Variants in VWA3A observed in about 807,000 individuals in gnomAD.
VWA3A encodes von Willebrand factor A domain containing 3A, also known as von Willebrand factor A domain-containing protein 3A.
In VWA3A, 134 loss-of-function variants were observed where a neutral mutation model predicts 160.4. That is an observed-to-expected ratio of 0.84 (90% CI 0.73 to 0.96). VWA3A has a LOEUF of 0.96. VWA3A is among the 40% of genes least tolerant of loss of function. VWA3A has a pLI of 0.00. For missense variants in VWA3A, 1,310 were observed against 1,447.9 expected (o/e 0.90, Z 1.55); for synonymous variants, 476 against 543.4 (o/e 0.88, Z 1.72).
chr16:22,122,260 AGTGGATGGATGGATGGATGG>A (rs1388158399), intron 14 of VWA3A, among the ~76,000 whole-genome samples: 6 of 136,696 alleles, frequency 4.4e-5, no homozygotes, highest in African/African-American at 1.4e-4. Flanking sequence ...TGGATGGATG[AGTGGATGGATGGATGGATGG>A]GTGGATGGAT....
intron 30 of VWA3A, among the ~76,000 whole-genome samples, chr16:22,152,028 G>A (rs566091382): frequency 2.4e-4 from 37 of 152,296 alleles, no homozygotes; most frequent in Non-Finnish European, 4.1e-4. Context: ...GGCCAACATG[G>A]CGAAACCCCG....
intron 23 of VWA3A, 120 bp downstream of exon 23, chr16:22,140,364 T>C: frequency 1.1e-6 from 1 of 914,838 alleles, no homozygotes; most frequent in Non-Finnish European, 1.7e-6. Context: ...TCCCAGCACT[T>C]TTGGAGGCTG....
At chr16:22,126,439 T>G in intron 17 of VWA3A, 142 bp downstream of exon 17, 1 of 1,232,316 alleles carries the variant, frequency 8.1e-7, no homozygotes, top group Non-Finnish European at 1.1e-6. Flanking sequence ...TCGGTTTATC[T>G]GATTTGGATG....
At chr16:22,111,460 C>T (rs2045550872) in intron 8 of VWA3A, among the ~76,000 whole-genome samples, 1 of 152,074 alleles carries the variant, frequency 6.6e-6, no homozygotes, top group African/African-American at 2.4e-5. Context: ...GTTGGGGCTA[C>T]AGGCATGTGC....
intron 5 of VWA3A, among the ~76,000 whole-genome samples, chr16:22,102,611 G>A (rs781294811): frequency 6.6e-6 from 1 of 152,150 alleles, no homozygotes; most frequent in Non-Finnish European, 1.5e-5. Flanking sequence ...CATGCAATAA[G>A]GCAAGTTCAA....
intron 5 of VWA3A, among the ~76,000 whole-genome samples, chr16:22,100,702 C>G (rs560648251): frequency 4.6e-5 from 7 of 151,726 alleles, no homozygotes; most frequent in African/African-American, 1.4e-4. Flanking sequence ...ATTAGCCAGT[C>G]CTGGTGGTGC....
intron 17 of VWA3A, among the ~76,000 whole-genome samples, chr16:22,128,652 T>G (rs979578663): frequency 1.3e-5 from 2 of 152,236 alleles, no homozygotes; most frequent in Non-Finnish European, 2.9e-5. Context: ...GCAGCACTAT[T>G]CACAATAGCA....
At chr16:22,124,129 T>A (rs1289162479) in intron 16 of VWA3A, among the ~76,000 whole-genome samples, 1 of 141,542 alleles carries the variant, frequency 7.1e-6, no homozygotes, top group Non-Finnish European at 1.5e-5. Context: ...TGCAGTGGGC[T>A]ATGATCGTGC....
At chr16:22,151,236 C>T (rs1329409621) in intron 30 of VWA3A, among the ~76,000 whole-genome samples, 3 of 149,712 alleles carry the variant, frequency 2.0e-5, no homozygotes, top group African/African-American at 7.4e-5. Context: ...GCGGAGGTTG[C>T]ACCATGGCAC....
intron 26 of VWA3A, among the ~76,000 whole-genome samples, chr16:22,144,790 T>C (rs1011208608): frequency 6.6e-6 from 1 of 152,008 alleles, no homozygotes; most frequent in Non-Finnish European, 1.5e-5. Flanking sequence ...GCTGTGTGCC[T>C]GTAGTCCGAG....
At position 22,123,671 on chromosome 16, in the gene VWA3A, C is replaced by G; in HGVS notation, c.1496C>G (p.Ala499Gly). 6.2e-7 allele frequency: 1 copy of G among 1,613,918 alleles called. No homozygotes were observed. The highest frequency in any genetic ancestry group is 8.5e-7 in the Non-Finnish European group (1 of 1,179,860). Reference sequence around the variant, plus strand: ...AGGCGGATTGAGTGGCTCTCCCTGGCCAGCAGAAGAATCTGGGGCACAGTC... The same window carrying G: ...AGGCGGATTGAGTGGCTCTCCCTGGGCAGCAGAAGAATCTGGGGCACAGTC... Reference protein sequence around the residue: ...YERRIEWLSLASRRIWGTVCE... With the variant: ...YERRIEWLSLGSRRIWGTVCE... The change falls in exon 16 of 34, where the codon GCC becomes GGC. Residue 499 changes from alanine to glycine, a missense_variant. Ala to Gly is a moderately conservative substitution (Grantham distance 60). Transcript: ENST00000389398.
intron 20 of VWA3A, 96 bp from the exon 21 acceptor site, chr16:22,134,272 G>A (rs1296117324): frequency 9.9e-7 from 1 of 1,013,858 alleles, no homozygotes; most frequent in Non-Finnish European, 1.4e-6. Context: ...CAGCCCTCAA[G>A]TCACCTCCAG....
chr16:22,138,084 G>A (rs1005272176), intron 21 of VWA3A, among the ~76,000 whole-genome samples: 4 of 152,074 alleles, frequency 2.6e-5, no homozygotes, highest in African/African-American at 4.8e-5. Context: ...CTACCCTATC[G>A]GCATAGCTGA....
chr16:22,152,364 G>C lies in VWA3A; in HGVS notation c.3282-147G>C, dbSNP rs1477482742. The C allele has an allele frequency of 4.0e-6, 4 of 1,010,854 alleles. No individual in the cohort carries two copies. The African/African-American group carries it at 6.5e-5, about 17-fold the overall frequency. The allele number at this position is 1,010,854 out of a possible 1,614,324, so 62.6% of individuals were successfully genotyped here. The stretch of plus-strand genomic sequence containing the variant: ...GCTGGTGGGGAAAGTGTCCTCTAAT[G>C]GTGGTCTCCATGGGACAAGCCACGG... On this transcript the variant is annotated intron_variant, in intron 30 of 33. Coordinates refer to ENST00000389398, the MANE Select transcript of VWA3A (RefSeq NM_173615.5).
chr16:22,137,775 G>T (rs1398835651), intron 21 of VWA3A, among the ~76,000 whole-genome samples: 2 of 152,148 alleles, frequency 1.3e-5, no homozygotes, highest in African/African-American at 2.4e-5. Flanking sequence ...TTCCTCTGGG[G>T]GTCTTCAAAC....
chr16:22,138,399 A>G lies in VWA3A; in HGVS notation c.2179A>G (p.Lys727Glu). 1.2e-6 allele frequency: 2 copies of G among 1,609,022 alleles called. No homozygotes were observed. The highest frequency in any genetic ancestry group is 8.5e-7 in the Non-Finnish European group (1 of 1,177,864). ...GGCCTCCCTGAAGAACCATTCAGGA[A>G]AAGTACTGGGAAGTTCAGCCCTCCC... ...LMASLKNHSG[K>E]VLGSSALPKE... Residue 727 changes from lysine (K) to glutamate (E), a missense_variant, in exon 22 of 34, where the codon AAA (lysine) becomes GAA (glutamate). Transcript: ENST00000389398.
At chr16:22,094,344 GC>G in intron 1 of VWA3A, among the ~76,000 whole-genome samples, 1 of 148,888 alleles carries the variant, frequency 6.7e-6, no homozygotes, top group Non-Finnish European at 1.5e-5. Flanking sequence ...TTAAAGCATT[GC>G]CACATTATCC....
chr16:22,115,232 C>A, intron 8 of VWA3A, 115 bp from the exon 9 acceptor site: 3 of 1,192,760 alleles, frequency 2.5e-6, no homozygotes, highest in Non-Finnish European at 2.3e-6. Flanking sequence ...GCTATGATTG[C>A]ACCACTGCAC....
At position 22,116,759 on chromosome 16, in the gene VWA3A, C is replaced by T. The variant is rs1355289360; in HGVS notation, c.816C>T (p.Cys272=). 2 of 1,612,446 alleles carry T rather than the reference C, an allele frequency of 1.2e-6. No homozygotes were observed. Among genetic ancestry groups the T allele is most frequent in the Admixed American group, 1.7e-5 (1 of 60,030 alleles). ...CACTTCTCTTCTGCCTTCTCCACAG[C>T]CCAGATCAGCCTTCTGAAATCCTGT... The part of the protein sequence containing the change: ...LDSLVAIMRS[C]PDQPSEILSD... The change falls in exon 10 of 34, where the codon TGC becomes TGT. Residue 272 remains cysteine (C), a splice_region_variant and synonymous_variant. Coordinates refer to ENST00000389398, the MANE Select transcript of VWA3A (RefSeq NM_173615.5).
Sources: allele counts gnomAD v4.1 joint callset (sites outside exome capture counted in the v4.1 genomes callset), GRCh38; gene constraint gnomAD v4.1.1; transcripts MANE v1.5; gene names NCBI Gene and HGNC (gene_info 2026-07-23, HGNC 2026-07-21).